Variants in ZBTB41 observed in about 807,000 individuals in gnomAD.
The protein encoded by ZBTB41 is zinc finger and BTB domain-containing protein 41.
A neutral mutation model predicts 87.6 loss-of-function variants in ZBTB41; 42 were observed. That is an observed-to-expected ratio of 0.48 (90% confidence interval 0.37 to 0.62). The LOEUF (loss-of-function observed/expected upper bound fraction) is 0.62, where lower values mean the gene tolerates loss of function less well. Ranked by LOEUF, ZBTB41 falls within the 20% of genes least tolerant of loss-of-function variation. The pLI, the probability that ZBTB41 is intolerant of heterozygous loss-of-function variation, is 0.00. For synonymous variants in ZBTB41, 364 were observed against 364.0 expected, an observed-to-expected ratio of 1.00 and a Z score of 0.00; for missense variants, 799 against 1,078.9, an observed-to-expected ratio of 0.74 and a Z score of 3.63.
intron 9 of ZBTB41, among the ~76,000 whole-genome samples, chr1:197,174,148 C>T (rs6656448): frequency 0.78 from 117,527 of 151,594 alleles, 48,915 homozygotes; most frequent in East Asian, 1. Flanking sequence ...ATATACCTTG[C>T]AATTACCACA....
chr1:197,190,314 A>G (rs1192480874), intron 4 of ZBTB41, among the ~76,000 whole-genome samples: 3 of 152,212 alleles, frequency 2.0e-5, no homozygotes, highest in Admixed American at 1.3e-4. Context: ...CAAGCAGAAC[A>G]GAAGAATTAA....
At chr1:197,185,751 C>T (rs1239113841) in intron 5 of ZBTB41, among the ~76,000 whole-genome samples, 2 of 151,960 alleles carry the variant, frequency 1.3e-5, no homozygotes, top group Non-Finnish European at 2.9e-5. Context: ...CAACAATCCC[C>T]CAAAATGAAA....
At chr1:197,173,894 A>G (rs77669827) in intron 9 of ZBTB41, among the ~76,000 whole-genome samples, 2,818 of 152,122 alleles carry the variant, frequency 0.019, 89 homozygotes, top group African/African-American at 0.064. Context: ...ACATCTGGGG[A>G]TACGATAATA....
chr1:197,199,966 C>T lies in ZBTB41; in HGVS notation c.508G>A (p.Ala170Thr), dbSNP rs766535441. 3 of 1,613,478 alleles carry T rather than the reference C, an allele frequency of 1.9e-6. No individual in the cohort carries two copies. Among genetic ancestry groups the T allele is most frequent in the South Asian group, 2.2e-5 (2 of 90,962 alleles). ...EAAKFLDIID[A>T]VKLLNNENVA... ...TTTTCGTTATTTAACAACTTCACTG[C>T]ATCTATAATGTCCAAAAATTTTGCA... The change falls in exon 2 of 11, where the codon GCA becomes ACA. Residue 170 changes from alanine to threonine, a missense_variant. By Grantham distance (58) the Ala-to-Thr change is moderately conservative. Around this residue, in one of 5 missense-constraint regions of ZBTB41, gnomAD observed 294 missense variants for 340.1 expected, o/e 0.86. Transcript: ENST00000367405.
At chr1:197,186,070 C>A (rs1442500434) in intron 5 of ZBTB41, among the ~76,000 whole-genome samples, 1 of 151,842 alleles carries the variant, frequency 6.6e-6, no homozygotes, top group Non-Finnish European at 1.5e-5. Context: ...GGCTTTAAAT[C>A]TTACTATAAA....
intron 10 of ZBTB41, among the ~76,000 whole-genome samples, chr1:197,167,892 G>A (rs1172415189): frequency 1.3e-5 from 2 of 152,058 alleles, no homozygotes; most frequent in Non-Finnish European, 2.9e-5. Flanking sequence ...TAATGTGACC[G>A]AAGCAACAAG....
At chr1:197,175,179 A>T in intron 8 of ZBTB41, 64 bp from the exon 9 acceptor site, 2 of 1,339,060 alleles carry the variant, frequency 1.5e-6, no homozygotes, top group Non-Finnish European at 2.1e-6. Flanking sequence ...CCCCAGAAAC[A>T]AACTATCAAA....
chr1:197,178,649 T>C (rs1571656902), intron 6 of ZBTB41, 137 bp from the exon 7 acceptor site: 1 of 545,656 alleles, frequency 1.8e-6, no homozygotes, highest in East Asian at 3.3e-5. Flanking sequence ...ATAATTTTGT[T>C]CTTTTCTATT....
chr1:197,196,920 T>C (rs1348065233), intron 2 of ZBTB41, among the ~76,000 whole-genome samples: 1 of 147,016 alleles, frequency 6.8e-6, no homozygotes, highest in Non-Finnish European at 1.5e-5. Flanking sequence ...CTGATTTCCT[T>C]AGTCTTCTAT....
intron 6 of ZBTB41, 108 bp downstream of exon 6, chr1:197,180,879 AT>A: frequency 8.3e-7 from 1 of 1,207,400 alleles, no homozygotes; most frequent in East Asian, 2.6e-5. Context: ...CTAAAGCACA[AT>A]TCATGCATTT....
At chr1:197,171,934 G>T (rs1659489838) in intron 10 of ZBTB41, among the ~76,000 whole-genome samples, 1 of 151,830 alleles carries the variant, frequency 6.6e-6, no homozygotes, top group Non-Finnish European at 1.5e-5. Flanking sequence ...CTCAAGTTTT[G>T]TAAAATATTT....
At chr1:197,171,963 A>C (rs1048650157) in intron 10 of ZBTB41, among the ~76,000 whole-genome samples, 197 bp downstream of exon 10, 1 of 151,872 alleles carries the variant, frequency 6.6e-6, no homozygotes, top group Non-Finnish European at 1.5e-5. Flanking sequence ...TGAAGCTTAC[A>C]TAATAGAGAA....
chr1:197,182,356 GATATCCAGTTTTGC>G lies in ZBTB41; in HGVS notation c.1547-1253_1547-1240del, dbSNP rs377522121. 6.9e-4 allele frequency among the ~76,000 whole-genome samples: 105 copies of G among 152,122 alleles called. 1 individual carries two copies. The East Asian group carries it at 0.02, about 29-fold the overall frequency. ...ACAACTGCATTTTTTTCCTATACTG[GATATCCAGTTTTGC>G]ATGCAGCTAAACCTATTTTAAACAA... On this transcript the variant is annotated intron_variant, in intron 5 of 10. Transcript: ENST00000367405.
chr1:197,194,081 C>T (rs909456732), intron 2 of ZBTB41, among the ~76,000 whole-genome samples: 13 of 151,892 alleles, frequency 8.6e-5, no homozygotes, highest in African/African-American at 2.7e-4. Context: ...TGCACTGGCG[C>T]GATCTCGGCT....
rs1009072199 is a variant in ZBTB41, at chr1:197,157,835, T to A, written c.*1524A>T. On this transcript the variant is annotated 3_prime_UTR_variant, in exon 11 of 11. Transcript: ENST00000367405. ...GCCATTACTAATTGATTAAACTTTATTCATTAAAACTTCACTGTTTTATTT... is the reference window on the plus strand; with the variant it reads ...GCCATTACTAATTGATTAAACTTTAATCATTAAAACTTCACTGTTTTATTT... 2 of 152,400 alleles carry A rather than the reference T, an allele frequency of 1.3e-5. No homozygotes were observed. Among genetic ancestry groups the A allele is most frequent in the African/African-American group, 4.8e-5 (2 of 41,438 alleles). 9.4% of individuals were successfully genotyped at this position (152,400 alleles called of 1,614,324 possible). A position where few individuals can be genotyped will look rare whatever the true frequency, so the allele number is the denominator to read the frequency against.
intron 10 of ZBTB41, among the ~76,000 whole-genome samples, chr1:197,171,723 C>T (rs1053544076): frequency 9.2e-5 from 14 of 151,664 alleles, no homozygotes; most frequent in East Asian, 1.9e-4. Context: ...GAAAATGAAA[C>T]GATGGTAACT....
Position 197,200,352 on chromosome 1 carries a change from C to T in ZBTB41, c.122G>A (p.Gly41Glu), listed in dbSNP as rs747392848. The T allele has an allele frequency of 2.5e-6, 4 of 1,614,148 alleles. No homozygotes were observed. The South Asian group carries it at 3.3e-5, about 13-fold the overall frequency. Residue 41 changes from glycine (G) to glutamate (E), a missense_variant, in exon 2 of 11, where the codon GGA becomes GAA. Gly to Glu is a moderately conservative substitution (Grantham distance 98). This residue lies in a region of ZBTB41 where 77 missense variants were observed against 68.4 expected (regional missense o/e 1.13). Coordinates refer to ENST00000367405, the MANE Select transcript of ZBTB41 (RefSeq NM_194314.3). ...CDQVTYTHSA[G>E]RPTPEALHCY... ...GTGAAGAGCTTCAGGAGTTGGTCTT[C>T]CTGCAGAATGAGTATAGGTCACTTG...
chr1:197,178,677 A>G (rs937936344), intron 6 of ZBTB41, among the ~76,000 whole-genome samples, 165 bp from the exon 7 acceptor site: 6 of 152,136 alleles, frequency 3.9e-5, no homozygotes, highest in Non-Finnish European at 7.4e-5. Flanking sequence ...GTATACAAAC[A>G]TGCTTGTTAT....
Position 197,159,947 on chromosome 1 carries a change from G to A in ZBTB41, c.2142C>T (p.His714=). 1 of 1,613,638 alleles carries A rather than the reference G, an allele frequency of 6.2e-7. No individual in the cohort carries two copies. Among genetic ancestry groups the A allele is most frequent in the Non-Finnish European group, 8.5e-7 (1 of 1,179,738 alleles). The change falls in exon 11 of 11, where the codon CAC becomes CAT. Residue 714 remains histidine (H), a synonymous_variant. Coordinates refer to ENST00000367405, the MANE Select transcript of ZBTB41 (RefSeq NM_194314.3). ...SFRIKKTLTK[H]LVIHSDARPF... ...GTCGGGCATCAGAATGAATAACCAG[G>A]TGTTTTGTTAATGTTTTCTTAATTC...
Sources: allele counts gnomAD v4.1 joint callset (sites outside exome capture counted in the v4.1 genomes callset), GRCh38; gene constraint gnomAD v4.1.1; regional missense constraint gnomAD v4.1.1; transcripts MANE v1.5; gene names NCBI Gene and HGNC (gene_info 2026-07-23, HGNC 2026-07-21).